Variants in ASB4 observed in about 807,000 individuals in gnomAD.
ASB4 encodes the protein ankyrin repeat and SOCS box containing 4.
A neutral mutation model predicts 38.6 loss-of-function variants in ASB4; 35 were observed. The ratio of observed to expected loss-of-function variants is 0.91; its 90% CI spans 0.69 to 1.20. The LOEUF (loss-of-function observed/expected upper bound fraction) is 1.20. ASB4 is among the 50% of genes most tolerant of loss of function. ASB4 has a pLI of 0.00. For missense variants in ASB4, 557 were observed against 527.2 expected, an observed-to-expected ratio of 1.06 and a Z score of -0.55; for synonymous variants, 195 against 201.3, an observed-to-expected ratio of 0.97 and a Z score of 0.26.
intron 3 of ASB4, among the ~76,000 whole-genome samples, chr7:95,531,308 G>C (rs1790816367): frequency 6.6e-6 from 1 of 152,068 alleles, no homozygotes; most frequent in South Asian, 2.1e-4. Context: ...CATGACGTTA[G>C]CTCTAGAAGA....
chr7:95,515,337 CTTTCTTT>C (rs1790565406), intron 2 of ASB4, among the ~76,000 whole-genome samples: 1 of 130,788 alleles, frequency 7.6e-6, no homozygotes, highest in Non-Finnish European at 1.7e-5. Flanking sequence ...TCCTTCCTTT[CTTTCTTT>C]CTTTCTTTTT....
At chr7:95,540,456 T>A (rs968336806), downstream of ASB4, among the ~76,000 whole-genome samples, 5 of 152,114 alleles carry the variant, frequency 3.3e-5, no homozygotes, top group African/African-American at 9.7e-5. Flanking sequence ...TAAGAACAAG[T>A]GTGTTTTAAT....
At chr7:95,502,391 C>G (rs7806277) in intron 2 of ASB4, among the ~76,000 whole-genome samples, 8,990 of 66,202 alleles carry the variant, frequency 0.14, 365 homozygotes, top group South Asian at 0.26. Context: ...TACCAGCCTG[C>G]GGGGGGGGGG....
At chr7:95,484,647 A>G (rs756741824), upstream of ASB4, among the ~76,000 whole-genome samples, 30 of 152,186 alleles carry the variant, frequency 2.0e-4, no homozygotes, top group Non-Finnish European at 3.5e-4. Flanking sequence ...GTAAGTTTTT[A>G]AAAATTCATG....
At chr7:95,548,231 G>T in the ASB4 span, among the ~76,000 whole-genome samples, 1 of 152,198 alleles carries the variant, frequency 6.6e-6, no homozygotes, top group African/African-American at 2.4e-5. Flanking sequence ...AGTTGGTGAT[G>T]TAAGTCTTTT....
upstream of ASB4, among the ~76,000 whole-genome samples, chr7:95,478,064 G>A (rs1479134378): frequency 6.6e-6 from 1 of 152,090 alleles, no homozygotes; most frequent in Non-Finnish European, 1.5e-5. Context: ...ACAACTGTGG[G>A]TGTAAAAAGA....
chr7:95,498,414 A>G (rs1790282779), intron 2 of ASB4, among the ~76,000 whole-genome samples: 1 of 152,120 alleles, frequency 6.6e-6, no homozygotes, highest in African/African-American at 2.4e-5. Context: ...ATGGTATCTC[A>G]TTGTTTTAAT....
In ASB4 at chr7:95,528,176, A is replaced by G; in HGVS notation, c.851A>G (p.Asn284Ser). The G allele has an allele frequency of 6.2e-7, 1 of 1,614,212 alleles. No homozygotes were observed. The highest frequency in any genetic ancestry group is 8.5e-7 in the Non-Finnish European group (1 of 1,180,032). The change falls in exon 3 of 5, where the codon AAC becomes AGC. Residue 284 changes from asparagine (N) to serine (S), a missense_variant. Asn to Ser is a conservative substitution (Grantham distance 46). Transcript: ENST00000325885. Reference sequence around the variant, plus strand: ...GCCGAAGCCAATCTCATGGATATCAACGGCTGTGCTGCCATCCAGTACGTG... The same window carrying G: ...GCCGAAGCCAATCTCATGGATATCAGCGGCTGTGCTGCCATCCAGTACGTG... Reference protein sequence around the residue: ...AGAEANLMDINGCAAIQYVLK... With the variant: ...AGAEANLMDISGCAAIQYVLK...
intron 1 of ASB4, among the ~76,000 whole-genome samples, chr7:95,480,274 G>A (rs986532563): frequency 6.6e-6 from 1 of 152,052 alleles, no homozygotes; most frequent in South Asian, 2.1e-4. Flanking sequence ...TTCCCTTGTA[G>A]CCCCTCCACT....
rs1419514137 is a variant in ASB4, at chr7:95,491,122, C to T, written c.188-4636C>T. On this transcript the variant is annotated intron_variant, in intron 1 of 4. Coordinates refer to ENST00000325885, the MANE Select transcript of ASB4 (RefSeq NM_016116.3). ...CTCTCTAAGTTCAGATTCTGGCATG[C>T]AGATAATTAATCACATTATGAAGGT... Among the ~76,000 whole-genome samples the T allele has an allele frequency of 4.6e-5, 7 of 152,194 alleles. No individual in the cohort carries two copies. In the South Asian group the frequency reaches 1.0e-3, roughly 23 times the overall value.
At chr7:95,517,809 A>T (rs1360565712) in intron 2 of ASB4, among the ~76,000 whole-genome samples, 1 of 152,156 alleles carries the variant, frequency 6.6e-6, no homozygotes, top group East Asian at 1.9e-4. Flanking sequence ...TGTGGAAAAC[A>T]GAGACCACCC....
At chr7:95,509,352 T>G (rs768934179) in intron 2 of ASB4, among the ~76,000 whole-genome samples, 5 of 152,148 alleles carry the variant, frequency 3.3e-5, no homozygotes, top group Non-Finnish European at 5.9e-5. Flanking sequence ...GAGTTAAGCA[T>G]CCCACATCCG....
chr7:95,531,288 G>T (rs1033034764), intron 3 of ASB4, among the ~76,000 whole-genome samples: 1 of 152,048 alleles, frequency 6.6e-6, no homozygotes, highest in Non-Finnish European at 1.5e-5. Flanking sequence ...GCTAAGGGCT[G>T]GTCATTCTTC....
intron 4 of ASB4, 99 bp from the exon 5 acceptor site, chr7:95,537,472 C>A: frequency 9.7e-7 from 1 of 1,034,894 alleles, no homozygotes; most frequent in Non-Finnish European, 1.4e-6. Flanking sequence ...CCCTAGGAAG[C>A]TGCCATTACG....
At chr7:95,511,956 T>G (rs1283568684) in intron 2 of ASB4, among the ~76,000 whole-genome samples, 1 of 152,132 alleles carries the variant, frequency 6.6e-6, no homozygotes, top group African/African-American at 2.4e-5. Flanking sequence ...TGGGTGACTT[T>G]GCTGTTTTTG....
the ASB4 span, among the ~76,000 whole-genome samples, chr7:95,473,070 C>CAA: frequency 6.6e-6 from 1 of 152,076 alleles, no homozygotes; most frequent in Non-Finnish European, 1.5e-5. Flanking sequence ...AAGGGACGGG[C>CAA]AGTGAGCTGA....
chr7:95,516,591 C>T (rs1282715061), intron 2 of ASB4, among the ~76,000 whole-genome samples: 1 of 152,156 alleles, frequency 6.6e-6, no homozygotes, highest in East Asian at 1.9e-4. Context: ...CTTCAGGAGA[C>T]AGGGGAAATA....
At chr7:95,473,590 G>C (rs924614871), upstream of ASB4, 1 of 151,870 alleles carries the variant, frequency 6.6e-6, no homozygotes, top group African/African-American at 2.4e-5. Flanking sequence ...ACCTGAAAGA[G>C]CCTATAGAAT....
At position 95,538,312 on chromosome 7, in the gene ASB4, C is replaced by G. The variant is rs1351113102; in HGVS notation, c.*553C>G. On this transcript the variant is annotated 3_prime_UTR_variant, in exon 5 of 5. Coordinates refer to ENST00000325885, the MANE Select transcript of ASB4 (RefSeq NM_016116.3). The stretch of plus-strand genomic sequence containing the variant: ...ATGAGCATAGTCAAAACAAGGAGAT[C>G]TTGGAGTCAAATTAGAAATGAGAAA... The G allele has an allele frequency of 6.6e-6, 1 of 152,252 alleles. No homozygotes were observed. The highest frequency in any genetic ancestry group is 1.5e-5 in the Non-Finnish European group (1 of 68,096). The allele number at this position is 152,252 out of a possible 1,614,324, so 9.4% of individuals were successfully genotyped here.
Sources: allele counts gnomAD v4.1 joint callset (sites outside exome capture counted in the v4.1 genomes callset), GRCh38; gene constraint gnomAD v4.1.1; transcripts MANE v1.5; gene names NCBI Gene and HGNC (gene_info 2026-07-23, HGNC 2026-07-21).